Variants in NUDT3 observed in about 807,000 individuals in gnomAD.
NUDT3 encodes nudix hydrolase 3, also known as diphosphoinositol polyphosphate phosphohydrolase 1.
In NUDT3, 9 loss-of-function variants were observed where a neutral mutation model predicts 23.6. The ratio of observed to expected loss-of-function variants is 0.38; its 90% CI spans 0.23 to 0.66. The LOEUF is 0.66. NUDT3 is among the 30% of genes least tolerant of loss of function. The pLI is 0.52. For missense variants in NUDT3, 172 were observed against 218.5 expected (o/e 0.79, Z 1.34); for synonymous variants, 86 against 82.6 (o/e 1.04, Z -0.22).
intron 1 of NUDT3, among the ~76,000 whole-genome samples, chr6:34,384,038 T>C (rs1341792712): frequency 1.3e-5 from 2 of 152,174 alleles, no homozygotes; most frequent in African/African-American, 4.8e-5. Flanking sequence ...TGGAAGCCCT[T>C]TGTCATGATT....
At chr6:34,318,882 TCATA>T (rs1443350950) in intron 2 of NUDT3, among the ~76,000 whole-genome samples, 13 of 152,008 alleles carry the variant, frequency 8.6e-5, no homozygotes, top group Non-Finnish European at 1.6e-4. Flanking sequence ...TTCTTTGTGC[TCATA>T]AATAAGCACT....
intron 1 of NUDT3, 64 bp from the exon 2 acceptor site, chr6:34,342,036 G>C: frequency 7.0e-7 from 1 of 1,423,714 alleles, no homozygotes; most frequent in South Asian, 1.2e-5. Context: ...CACAAATTCA[G>C]AGTTTAAACA....
chr6:34,352,705 T>C lies in NUDT3; in HGVS notation c.100-10733A>G, dbSNP rs370557651. Among the ~76,000 whole-genome samples the C allele has an allele frequency of 1.2e-4, 19 of 152,350 alleles. No homozygotes were observed. In the East Asian group the frequency reaches 3.5e-3, roughly 28 times the overall value. On this transcript the variant is annotated intron_variant, in intron 1 of 4. Transcript: ENST00000607016. ...TGTTCCCAAGGTAGCATGAACTTAT[T>C]AACCACAATTCAGTCTAATTTAAGA... is the stretch of plus-strand genomic sequence containing the variant.
chr6:34,370,383 C>A (rs924155163), intron 1 of NUDT3, among the ~76,000 whole-genome samples: 1 of 152,160 alleles, frequency 6.6e-6, no homozygotes, highest in Non-Finnish European at 1.5e-5. Context: ...CTCAAAGTGG[C>A]GGCTACAACT....
At chr6:34,289,570 G>C (rs986708312) in intron 4 of NUDT3, among the ~76,000 whole-genome samples, 2 of 152,042 alleles carry the variant, frequency 1.3e-5, no homozygotes, top group African/African-American at 4.8e-5. Context: ...TGTCCCAAGG[G>C]GGGAAAAATC....
chr6:34,379,263 A>G (rs1329711015), intron 1 of NUDT3, among the ~76,000 whole-genome samples: 1 of 152,198 alleles, frequency 6.6e-6, no homozygotes, highest in Non-Finnish European at 1.5e-5. Flanking sequence ...ATGACTTATT[A>G]TAAAAGTAAT....
intron 1 of NUDT3, among the ~76,000 whole-genome samples, chr6:34,350,523 T>A (rs1304243099): frequency 6.6e-6 from 1 of 150,956 alleles, no homozygotes; most frequent in Non-Finnish European, 1.5e-5. Context: ...TGTCACAAAG[T>A]CTTGTGCATG....
intron 2 of NUDT3, among the ~76,000 whole-genome samples, chr6:34,313,275 T>A (rs1362606425): frequency 6.6e-6 from 1 of 152,124 alleles, no homozygotes; most frequent in Non-Finnish European, 1.5e-5. Flanking sequence ...TACTGTATAT[T>A]CCAACTATAA....
At chr6:34,328,812 A>C (rs1266330602) in intron 2 of NUDT3, among the ~76,000 whole-genome samples, 1 of 152,220 alleles carries the variant, frequency 6.6e-6, no homozygotes, top group African/African-American at 2.4e-5. Flanking sequence ...AGTATCCTTA[A>C]TATATTATTC....
intron 1 of NUDT3, among the ~76,000 whole-genome samples, chr6:34,369,161 T>G (rs921202000): frequency 6.6e-6 from 1 of 152,206 alleles, no homozygotes; most frequent in African/African-American, 2.4e-5. Context: ...TTCTGCAAAT[T>G]TCTTTCAAAA....
chr6:34,309,191 G>A (rs1763730433), intron 2 of NUDT3, among the ~76,000 whole-genome samples: 1 of 151,648 alleles, frequency 6.6e-6, no homozygotes, highest in Admixed American at 6.6e-5. Context: ...GACCAGCCTG[G>A]GCAGCATAAT....
At chr6:34,389,616 C>G (rs1022562840) in intron 1 of NUDT3, among the ~76,000 whole-genome samples, 27 of 151,828 alleles carry the variant, frequency 1.8e-4, no homozygotes, top group African/African-American at 6.3e-4. Flanking sequence ...CATGATCACA[C>G]CACTACACTC....
intron 1 of NUDT3, among the ~76,000 whole-genome samples, chr6:34,351,125 G>T (rs1203690497): frequency 7.7e-6 from 1 of 129,554 alleles, no homozygotes; most frequent in Non-Finnish European, 1.6e-5. Flanking sequence ...TGAGGTGGGG[G>T]TATCACTTGA....
intron 2 of NUDT3, among the ~76,000 whole-genome samples, chr6:34,309,641 C>T (rs115822632): frequency 0.013 from 2,033 of 151,810 alleles, 24 homozygotes; most frequent in Non-Finnish European, 0.022. Context: ...AGTATACAAA[C>T]GTATGTTTAA....
intron 1 of NUDT3, among the ~76,000 whole-genome samples, chr6:34,389,856 C>G (rs368065614): frequency 1.3e-5 from 2 of 151,474 alleles, no homozygotes; most frequent in South Asian, 4.2e-4. Flanking sequence ...CCCAGCTGCT[C>G]GGGAGGCTAA....
intron 1 of NUDT3, among the ~76,000 whole-genome samples, chr6:34,355,609 G>T (rs773667245): frequency 1.4e-4 from 20 of 142,442 alleles, no homozygotes; most frequent in Non-Finnish European, 2.5e-4. Context: ...AAAAAGTAAA[G>T]AAATTGTGTA....
At position 34,288,604 on chromosome 6, in the gene NUDT3, C is replaced by T. The variant is rs878988751; in HGVS notation, c.*149G>A. ...AGCCCCATCACTTAACACCAAACAG[C>T]AACATTATCAATACACCCTTTCTTT... On this transcript the variant is annotated 3_prime_UTR_variant, in exon 5 of 5. Coordinates refer to ENST00000607016, the MANE Select transcript of NUDT3 (RefSeq NM_006703.4). 6 of 1,090,136 alleles carry T rather than the reference C, an allele frequency of 5.5e-6. No individual in the cohort carries two copies. The South Asian group carries it at 1.0e-4, about 19-fold the overall frequency. The allele number at this position is 1,090,136 out of a possible 1,614,324, so 67.5% of individuals were successfully genotyped here. A position where few individuals can be genotyped will look rare whatever the true frequency, so the allele number is the denominator to read the frequency against.
intron 2 of NUDT3, among the ~76,000 whole-genome samples, chr6:34,297,192 A>G (rs1446166698): frequency 6.6e-6 from 1 of 152,048 alleles, no homozygotes; most frequent in South Asian, 2.1e-4. Flanking sequence ...TCAGTCTCCC[A>G]AAGTGCTGGG....
At chr6:34,339,385 C>A (rs530360559) in intron 2 of NUDT3, among the ~76,000 whole-genome samples, 26 of 152,344 alleles carry the variant, frequency 1.7e-4, no homozygotes, top group African/African-American at 5.8e-4. Flanking sequence ...TTTCTCTCCA[C>A]AAGATCCATC....
Sources: gnomAD v4.1 joint callset for allele counts (sites outside exome capture counted in the v4.1 genomes callset) on GRCh38, gnomAD v4.1.1 for gene constraint, MANE v1.5 for transcripts, NCBI Gene and HGNC (gene_info 2026-07-23, HGNC 2026-07-21) for gene names.